Variants in MARCHF1 observed in about 807,000 individuals in gnomAD.
The protein encoded by MARCHF1 is membrane associated ring-CH-type finger 1, also known as E3 ubiquitin-protein ligase MARCHF1.
MARCHF1 carries 40 observed loss-of-function variants against 54.2 expected under a neutral mutation model. The ratio of observed to expected loss-of-function variants is 0.74; its 90% CI spans 0.57 to 0.96. The LOEUF (loss-of-function observed/expected upper bound fraction) is 0.96. MARCHF1 is among the 40% of genes least tolerant of loss of function. The pLI, the probability that MARCHF1 is intolerant of heterozygous loss-of-function variation, is 0.00. For missense variants in MARCHF1, 586 were observed against 656.5 expected, an observed-to-expected ratio of 0.89 and a Z score of 1.17; for synonymous variants, 236 against 236.3, an observed-to-expected ratio of 1.00 and a Z score of 0.01.
intron 4 of MARCHF1, among the ~76,000 whole-genome samples, chr4:163,738,737 A>G (rs752770067): frequency 1.3e-5 from 2 of 152,220 alleles, no homozygotes; most frequent in Non-Finnish European, 2.9e-5. Context: ...AGGCTGAGTA[A>G]AAATACTTCA....
At chr4:163,787,877 T>C (rs1248988649) in intron 4 of MARCHF1, among the ~76,000 whole-genome samples, 1 of 152,082 alleles carries the variant, frequency 6.6e-6, no homozygotes, top group East Asian at 1.9e-4. Context: ...ATACATGCAA[T>C]GGGATATTAT....
chr4:164,075,030 C>G (rs988576935), intron 2 of MARCHF1, among the ~76,000 whole-genome samples: 2 of 152,072 alleles, frequency 1.3e-5, no homozygotes, highest in African/African-American at 2.4e-5. Flanking sequence ...TTGATGACAT[C>G]TGCCTTAAAT....
At chr4:163,850,987 G>A (rs1274709865) in intron 4 of MARCHF1, among the ~76,000 whole-genome samples, 2 of 152,066 alleles carry the variant, frequency 1.3e-5, no homozygotes, top group Non-Finnish European at 2.9e-5. Context: ...AACAACAAAG[G>A]TCCAGTGAAA....
chr4:164,004,762 A>T lies in MARCHF1; in HGVS notation c.-247-16053T>A, dbSNP rs141037583. Among the ~76,000 whole-genome samples the T allele has an allele frequency of 5.3e-3, 805 of 152,216 alleles. 5 individuals carry two copies. The highest frequency in any genetic ancestry group is 7.7e-3 in the Non-Finnish European group (525 of 67,976). ...ATAAAGCCCATAAGCCAGAGAAGAA[A>T]TCTCAAAGACAACTAGAAAACATTG... On this transcript the variant is annotated intron_variant, in intron 2 of 9. Coordinates refer to ENST00000514618, the MANE Select transcript of MARCHF1 (RefSeq NM_001394959.1).
chr4:164,324,702 T>TAACAAAAGGTATTTGCAAGAGC (rs1378416975), intron 1 of MARCHF1, among the ~76,000 whole-genome samples: 14 of 151,162 alleles, frequency 9.3e-5, no homozygotes, highest in Admixed American at 3.9e-4. Context: ...GAAAAGAAAA[T>TAACAAAAGGTATTTGCAAGAGC]AACAAAAGGT....
In MARCHF1 at chr4:163,834,490, T is replaced by A. The variant is rs529110159; in HGVS notation, c.111+19531A>T. 1.1e-3 allele frequency among the ~76,000 whole-genome samples: 166 copies of A among 152,212 alleles called. 1 individual carries two copies. Among genetic ancestry groups the A allele is most frequent in the Non-Finnish European group, 1.9e-3 (129 of 67,994 alleles). ...ATTATACTTTAAGTTTTAGGGTACA[T>A]GTGCACAATGTGCAGGTTAGTTACA... On this transcript the variant is annotated intron_variant, in intron 4 of 9. Coordinates refer to ENST00000514618, the MANE Select transcript of MARCHF1 (RefSeq NM_001394959.1).
intron 2 of MARCHF1, among the ~76,000 whole-genome samples, chr4:163,998,084 G>C (rs1209204383): frequency 6.6e-6 from 1 of 150,786 alleles, no homozygotes; most frequent in East Asian, 1.9e-4. Context: ...CAATAAAAAG[G>C]TGAGAGGGCA....
At chr4:163,947,845 A>G (rs760483079) in intron 3 of MARCHF1, among the ~76,000 whole-genome samples, 1 of 152,222 alleles carries the variant, frequency 6.6e-6, no homozygotes, top group Non-Finnish European at 1.5e-5. Context: ...ATAATTTACC[A>G]TAGTTTTCCA....
At chr4:164,132,667 T>C (rs1756326383) in intron 1 of MARCHF1, among the ~76,000 whole-genome samples, 1 of 152,148 alleles carries the variant, frequency 6.6e-6, no homozygotes, top group African/African-American at 2.4e-5. Flanking sequence ...ATCGACATAA[T>C]GGCTTTAGTG....
At chr4:164,273,275 C>T (rs564379108) in intron 1 of MARCHF1, among the ~76,000 whole-genome samples, 29 of 152,036 alleles carry the variant, frequency 1.9e-4, no homozygotes, top group South Asian at 8.3e-4. Flanking sequence ...GGAGAAGTGC[C>T]GAGCAAAGGG....
intron 1 of MARCHF1, among the ~76,000 whole-genome samples, chr4:164,138,220 GT>G (rs937879945): frequency 7.6e-5 from 11 of 144,718 alleles, no homozygotes; most frequent in South Asian, 6.7e-4. Context: ...CATTACCTAG[GT>G]TTTTTTTTTC....
At position 163,525,356 on chromosome 4, in the gene MARCHF1, A is replaced by C. The variant is rs2110830206; in HGVS notation, c.*3392T>G. 1 of 152,244 alleles carries C rather than the reference A, an allele frequency of 6.6e-6. No individual in the cohort carries two copies. The highest frequency in any genetic ancestry group is 2.1e-4 in the South Asian group (1 of 4,828). The allele number at this position is 152,244 out of a possible 1,614,324, so 9.4% of individuals were successfully genotyped here. ...GTCTGGGACTATAATCACGTGTAGA[A>C]GCAGCGCAGAGTGAGATTTAATGCT... On this transcript the variant is annotated 3_prime_UTR_variant, in exon 10 of 10. Transcript: ENST00000514618.
At chr4:163,780,257 C>T (rs1747425900) in intron 4 of MARCHF1, among the ~76,000 whole-genome samples, 1 of 152,142 alleles carries the variant, frequency 6.6e-6, no homozygotes, top group African/African-American at 2.4e-5. Flanking sequence ...TCATATGTGG[C>T]TGTGACAATA....
chr4:163,765,659 G>A (rs1466952598), intron 4 of MARCHF1, among the ~76,000 whole-genome samples: 5 of 151,588 alleles, frequency 3.3e-5, no homozygotes, highest in Non-Finnish European at 7.4e-5. Flanking sequence ...TTTTTTCAGT[G>A]AGCACCTGTT....
chr4:163,621,399 C>G (rs951222859), intron 5 of MARCHF1, among the ~76,000 whole-genome samples: 5 of 152,160 alleles, frequency 3.3e-5, no homozygotes, highest in Non-Finnish European at 5.9e-5. Flanking sequence ...TGTCAGTATC[C>G]TTAAAAGCTG....
At chr4:163,906,678 T>C (rs1221550188) in intron 3 of MARCHF1, among the ~76,000 whole-genome samples, 1 of 151,872 alleles carries the variant, frequency 6.6e-6, no homozygotes, top group Non-Finnish European at 1.5e-5. Context: ...AAGTTTAATT[T>C]TTAAATTGAC....
chr4:164,091,131 A>G (rs948083315), intron 2 of MARCHF1, among the ~76,000 whole-genome samples: 1 of 152,090 alleles, frequency 6.6e-6, no homozygotes, highest in East Asian at 1.9e-4. Flanking sequence ...GGTGGCAAAT[A>G]TCAGCTCTTA....
intron 3 of MARCHF1, among the ~76,000 whole-genome samples, chr4:163,857,680 C>T (rs577481978): frequency 5.3e-5 from 8 of 152,200 alleles, no homozygotes; most frequent in African/African-American, 1.2e-4. Context: ...GCATTCTCTG[C>T]GAACTACATT....
chr4:163,944,694 A>T (rs1751989973), intron 3 of MARCHF1, among the ~76,000 whole-genome samples: 1 of 152,208 alleles, frequency 6.6e-6, no homozygotes, highest in East Asian at 1.9e-4. Flanking sequence ...CAATTCTTGG[A>T]AACTGAGGTA....
Sources: allele counts gnomAD v4.1 joint callset (sites outside exome capture counted in the v4.1 genomes callset), GRCh38; gene constraint gnomAD v4.1.1; transcripts MANE v1.5; gene names NCBI Gene and HGNC (gene_info 2026-07-23, HGNC 2026-07-21).